The following AUTS2 variants were observed in gnomAD, a reference collection of about 807,000 sequenced individuals.
The protein encoded by AUTS2 is activator of transcription and developmental regulator AUTS2.
AUTS2 carries 17 observed loss-of-function variants against 112.4 expected under a neutral mutation model. The observed-to-expected ratio is 0.15, with a 90% CI of 0.10 to 0.23. The LOEUF (loss-of-function observed/expected upper bound fraction) is 0.23. Among genes scored for constraint, AUTS2 ranks in the 10% least tolerant of loss-of-function variants. The pLI, the probability that AUTS2 is intolerant of heterozygous loss-of-function variation, is 1.00. For missense variants in AUTS2, 1,510 were observed against 1,701.6 expected (o/e 0.89, Z 1.98); for synonymous variants, 751 against 702.7 (o/e 1.07, Z -1.09).
chr7:70,485,197 A>G (rs1478729646), intron 5 of AUTS2, among the ~76,000 whole-genome samples: 1 of 152,212 alleles, frequency 6.6e-6, no homozygotes, highest in Non-Finnish European at 1.5e-5. Flanking sequence ...TTACAGTAGC[A>G]CAGTTCACAA....
At chr7:69,686,531 A>T (rs1797075726) in intron 1 of AUTS2, among the ~76,000 whole-genome samples, 1 of 152,234 alleles carries the variant, frequency 6.6e-6, no homozygotes, top group Non-Finnish European at 1.5e-5. Flanking sequence ...TGCAATTTCC[A>T]AGGAGTCATA....
intron 2 of AUTS2, among the ~76,000 whole-genome samples, chr7:70,066,071 A>G (rs10234121): frequency 2.6e-5 from 4 of 152,150 alleles, no homozygotes; most frequent in African/African-American, 9.7e-5. Context: ...TGATCTTTGC[A>G]ATCTGTAGGA....
intron 2 of AUTS2, among the ~76,000 whole-genome samples, chr7:70,062,279 G>A (rs182100512): frequency 3.3e-5 from 5 of 151,986 alleles, no homozygotes; most frequent in Non-Finnish European, 7.4e-5. Context: ...GGGAGGCCAA[G>A]GAGGGCGGAT....
At chr7:70,110,940 C>A (rs1018864823) in intron 2 of AUTS2, among the ~76,000 whole-genome samples, 2 of 142,894 alleles carry the variant, frequency 1.4e-5, no homozygotes, top group African/African-American at 5.3e-5. Flanking sequence ...GGCGCGATCT[C>A]AGCTCACTGC....
chr7:70,714,513 C>T (rs911736190), intron 6 of AUTS2, among the ~76,000 whole-genome samples: 1 of 152,190 alleles, frequency 6.6e-6, no homozygotes, highest in African/African-American at 2.4e-5. Flanking sequence ...TCCATGATCT[C>T]ATCTCCATGA....
intron 15 of AUTS2, chr7:70,783,542 C>G (rs1791234952): frequency 6.6e-6 from 1 of 152,188 alleles, no homozygotes; most frequent in Non-Finnish European, 1.5e-5. Flanking sequence ...GGAACTTAGA[C>G]AAAATGCAAA....
At chr7:70,015,013 A>G (rs140414342) in intron 2 of AUTS2, among the ~76,000 whole-genome samples, 186 of 152,350 alleles carry the variant, frequency 1.2e-3, no homozygotes, top group African/African-American at 4.4e-3. Context: ...TTTCTTTTAC[A>G]TCTCTGAAAA....
intron 5 of AUTS2, among the ~76,000 whole-genome samples, chr7:70,557,951 T>C (rs981805642): frequency 2.6e-5 from 4 of 152,200 alleles, no homozygotes; most frequent in Non-Finnish European, 4.4e-5. Flanking sequence ...AGTAAAGCTC[T>C]GCAGTCTGCT....
intron 4 of AUTS2, among the ~76,000 whole-genome samples, chr7:70,331,755 G>A (rs1186529005): frequency 1.3e-5 from 2 of 152,078 alleles, no homozygotes; most frequent in African/African-American, 2.4e-5. Flanking sequence ...AAAGGCCTTC[G>A]ATAAAATTCG....
intron 2 of AUTS2, among the ~76,000 whole-genome samples, chr7:70,069,030 G>A (rs977891041): frequency 6.6e-6 from 1 of 152,174 alleles, no homozygotes; most frequent in Non-Finnish European, 1.5e-5. Flanking sequence ...AGCATTGGGG[G>A]ACTGACTAGG....
intron 1 of AUTS2, among the ~76,000 whole-genome samples, chr7:69,682,566 C>CA (rs1796848447): frequency 6.6e-6 from 1 of 152,184 alleles, no homozygotes; most frequent in Admixed American, 6.5e-5. Flanking sequence ...CTTCAATACT[C>CA]ATACTCTTAA....
At chr7:69,799,909 A>G (rs1790009381) in intron 1 of AUTS2, among the ~76,000 whole-genome samples, 1 of 152,096 alleles carries the variant, frequency 6.6e-6, no homozygotes, top group South Asian at 2.1e-4. Context: ...GGCAGTTCCT[A>G]CTATCTAAAA....
At chr7:70,700,763 G>A (rs1809410665) in intron 6 of AUTS2, among the ~76,000 whole-genome samples, 1 of 152,172 alleles carries the variant, frequency 6.6e-6, no homozygotes, top group Non-Finnish European at 1.5e-5. Context: ...TAGGCTTGTG[G>A]TTTTGGGTCT....
chr7:70,487,425 C>T (rs913664506), intron 5 of AUTS2, among the ~76,000 whole-genome samples: 5 of 152,158 alleles, frequency 3.3e-5, no homozygotes, highest in African/African-American at 4.8e-5. Context: ...AGGGCTGTGC[C>T]CTTTGGTAGC....
intron 5 of AUTS2, among the ~76,000 whole-genome samples, chr7:70,691,159 A>G (rs1034592709): frequency 1.8e-4 from 28 of 152,176 alleles, no homozygotes; most frequent in Admixed American, 1.8e-3. Context: ...GCATATATTA[A>G]AAATTATTTC....
chr7:70,722,669 G>T (rs1786763821), intron 6 of AUTS2, among the ~76,000 whole-genome samples: 1 of 152,142 alleles, frequency 6.6e-6, no homozygotes, highest in African/African-American at 2.4e-5. Context: ...CTTAAGTTGG[G>T]AGTCTCCATT....
At chr7:70,449,057 C>T (rs1317336519) in intron 5 of AUTS2, among the ~76,000 whole-genome samples, 1 of 152,148 alleles carries the variant, frequency 6.6e-6, no homozygotes, top group Non-Finnish European at 1.5e-5. Context: ...ATACATTAAA[C>T]TAACAAATAA....
intron 1 of AUTS2, among the ~76,000 whole-genome samples, chr7:69,757,545 G>T (rs1460381857): frequency 6.6e-6 from 1 of 152,070 alleles, no homozygotes; most frequent in Non-Finnish European, 1.5e-5. Flanking sequence ...AGAAAAATGG[G>T]CAATACACAA....
At chr7:69,694,270 T>C (rs1425297313) in intron 1 of AUTS2, among the ~76,000 whole-genome samples, 5 of 152,014 alleles carry the variant, frequency 3.3e-5, no homozygotes, top group Admixed American at 6.6e-5. Flanking sequence ...TCAGTGGGGG[T>C]AAGGATTAGG....
Sources: allele counts gnomAD v4.1 joint callset (sites outside exome capture counted in the v4.1 genomes callset), GRCh38; gene constraint gnomAD v4.1.1; transcripts MANE v1.5; gene names NCBI Gene and HGNC (gene_info 2026-07-23, HGNC 2026-07-21).